Variants in COPG1 observed in about 807,000 individuals in gnomAD.
COPG1 encodes the protein coatomer subunit gamma-1.
COPG1 carries 29 observed loss-of-function variants against 102.8 expected under a neutral mutation model. That is an observed-to-expected ratio of 0.28 (90% confidence interval 0.21 to 0.38). The LOEUF (loss-of-function observed/expected upper bound fraction) is 0.38, where lower values mean the gene tolerates loss of function less well. Among genes scored for constraint, COPG1 ranks in the 10% least tolerant of loss-of-function variants. The pLI, the probability that COPG1 is intolerant of heterozygous loss-of-function variation, is 1.00. For synonymous variants in COPG1, 406 were observed against 421.6 expected (o/e 0.96, Z 0.45); for missense variants, 875 against 1,132.7 (o/e 0.77, Z 3.27).
chr3:129,255,717 A>C (rs1490613232), intron 7 of COPG1, among the ~76,000 whole-genome samples: 1 of 141,760 alleles, frequency 7.1e-6, no homozygotes, highest in Non-Finnish European at 1.5e-5. Context: ...TCCTGACTTC[A>C]AGTGATCCAC....
At chr3:129,267,125 T>C in intron 15 of COPG1, 26 bp downstream of exon 15, 2 of 1,578,106 alleles carry the variant, frequency 1.3e-6, no homozygotes, top group Non-Finnish European at 1.7e-6. Context: ...GGGGCCCTAA[T>C]GGGGACAGTG....
rs2107681155 is a variant in COPG1, at chr3:129,277,678, G to A, written c.*254G>A. ...TTGCTGTCCACCCTTCCAGGAAAGGGACATTGTAAATGAATAAAACATTCT... is the reference window on the plus strand; with the variant it reads ...TTGCTGTCCACCCTTCCAGGAAAGGAACATTGTAAATGAATAAAACATTCT... On this transcript the variant is annotated 3_prime_UTR_variant, in exon 24 of 24. Coordinates refer to ENST00000314797, the MANE Select transcript of COPG1 (RefSeq NM_016128.4). 3 of 390,188 alleles carry A rather than the reference G, an allele frequency of 7.7e-6. No homozygotes were observed. The South Asian group carries it at 8.4e-5, about 11-fold the overall frequency. 24.2% of individuals were successfully genotyped at this position (390,188 alleles called of 1,614,324 possible).
At chr3:129,273,647 A>G (rs1249586470) in intron 21 of COPG1, among the ~76,000 whole-genome samples, 2 of 152,228 alleles carry the variant, frequency 1.3e-5, no homozygotes, top group Non-Finnish European at 1.5e-5. Flanking sequence ...TTGGGTTTCC[A>G]TATTTTCACT....
At chr3:129,257,352 G>A (rs868742544) in intron 8 of COPG1, 118 bp from the exon 9 acceptor site, 2 of 1,036,696 alleles carry the variant, frequency 1.9e-6, no homozygotes, top group Middle Eastern at 2.9e-4. Context: ...ACTCTGTGTG[G>A]TAGCTGCTAC....
chr3:129,275,019 A>C lies in COPG1; in HGVS notation c.2395+43A>C, dbSNP rs113539542. 42 of 1,607,796 alleles carry C rather than the reference A, an allele frequency of 2.6e-5. No individual in the cohort carries two copies. In the African/African-American group the frequency reaches 3.1e-4, roughly 12 times the overall value. On this transcript the variant is annotated intron_variant, in intron 22 of 23. Coordinates refer to ENST00000314797, the MANE Select transcript of COPG1 (RefSeq NM_016128.4). The surrounding 1 kb of genome is among the most constrained non-coding windows in gnomAD (Gnocchi z 5.0). ...CCATCTCTGGCCTAATTACTGTTCA[A>C]GATCTTTGGCTACTATTGAAGTGCT...
intron 2 of COPG1, among the ~76,000 whole-genome samples, chr3:129,251,797 C>T (rs1431511114): frequency 4.6e-5 from 7 of 151,948 alleles, no homozygotes; most frequent in African/African-American, 1.7e-4. Context: ...CAGCAATTCT[C>T]CTGCCTCGGC....
At position 129,265,758 on chromosome 3, in the gene COPG1, C is replaced by T. The variant is rs758296971; in HGVS notation, c.1434C>T (p.Asn478=). The T allele has an allele frequency of 2.7e-5, 43 of 1,613,986 alleles. No homozygotes were observed. Among genetic ancestry groups the T allele is most frequent in the Middle Eastern group, 3.3e-4 (2 of 6,084 alleles). Residue 478 remains asparagine (N), a synonymous_variant, in exon 14 of 24, where the codon AAC becomes AAT. Coordinates refer to ENST00000314797, the MANE Select transcript of COPG1 (RefSeq NM_016128.4). ...CAAAGTACATCCGCTTCATCTATAA[C>T]CGAGTGGTCTTGGAGCATGAGGAGG... ...NPSKYIRFIY[N]RVVLEHEEVR... is the part of the protein sequence containing the mutation.
At chr3:129,268,133 T>C (rs1196812558) in intron 16 of COPG1, 93 bp downstream of exon 16, 11 of 1,158,960 alleles carry the variant, frequency 9.5e-6, no homozygotes, top group African/African-American at 1.5e-5. Flanking sequence ...GGCAAGATGC[T>C]CTTGGCTGGA....
chr3:129,270,003 G>A (rs1238395620), intron 18 of COPG1, among the ~76,000 whole-genome samples: 2 of 145,614 alleles, frequency 1.4e-5, no homozygotes, highest in African/African-American at 5.1e-5. Flanking sequence ...GGCCCTTCTA[G>A]GGCAGAAGGT....
intron 4 of COPG1, 47 bp downstream of exon 4, chr3:129,252,741 AGGT>A: frequency 6.3e-7 from 1 of 1,579,292 alleles, no homozygotes; most frequent in South Asian, 1.1e-5. Context: ...AGCTGTAACA[AGGT>A]GGTGGGAGGG....
chr3:129,259,574 A>G (rs1939883882), intron 10 of COPG1, among the ~76,000 whole-genome samples: 1 of 152,178 alleles, frequency 6.6e-6, no homozygotes, highest in South Asian at 2.1e-4. Flanking sequence ...TGAAAGATGT[A>G]AATAAAGTAG....
chr3:129,268,233 A>G (rs1940107198), intron 16 of COPG1, among the ~76,000 whole-genome samples, 193 bp downstream of exon 16: 2 of 152,142 alleles, frequency 1.3e-5, no homozygotes, highest in East Asian at 3.9e-4. Flanking sequence ...TTGTCCAGTG[A>G]ATTGAAACGC....
chr3:129,271,821 C>T lies in COPG1; in HGVS notation c.1898C>T (p.Ser633Leu), dbSNP rs779788008. 10 of 1,614,228 alleles carry T rather than the reference C, an allele frequency of 6.2e-6. No homozygotes were observed. Among genetic ancestry groups the T allele is most frequent in the East Asian group, 4.5e-5 (2 of 44,888 alleles). Residue 633 changes from serine to leucine, a missense_variant, in exon 19 of 24, where the codon TCG becomes TTG. Transcript: ENST00000314797. The surrounding 1 kb of genome is among the most constrained non-coding windows in gnomAD (Gnocchi z 4.7). ...GGTCTTGGGCCCCTCTTCAAGTCCT[C>T]GCCTGAGCCCGTGGCCCTCACCGAG... ...FRGLGPLFKSSPEPVALTESE... is the reference protein window; with the variant it reads ...FRGLGPLFKSLPEPVALTESE...
At chr3:129,264,632 C>T (rs541198231) in intron 13 of COPG1, among the ~76,000 whole-genome samples, 2 of 152,154 alleles carry the variant, frequency 1.3e-5, no homozygotes, top group Non-Finnish European at 2.9e-5. Flanking sequence ...CTAATGGGCC[C>T]AGCACTTTGG....
At chr3:129,256,291 C>T (rs921770019) in intron 8 of COPG1, 137 bp downstream of exon 8, 42 of 689,882 alleles carry the variant, frequency 6.1e-5, no homozygotes, top group Admixed American at 9.9e-5. Flanking sequence ...GTCATTGGAT[C>T]ATGGGAGGAA....
chr3:129,257,357 T>TGTA (rs896132862), intron 8 of COPG1, 113 bp from the exon 9 acceptor site: 15 of 1,099,760 alleles, frequency 1.4e-5, no homozygotes, highest in African/African-American at 3.1e-5. Context: ...GTGTGGTAGC[T>TGTA]GCTACTGTGC....
chr3:129,253,344 A>G (rs957531569), intron 5 of COPG1, among the ~76,000 whole-genome samples: 4 of 152,192 alleles, frequency 2.6e-5, no homozygotes, highest in Non-Finnish European at 5.9e-5. Flanking sequence ...CTAAAGTGTA[A>G]TCACTGCCCT....
At position 129,251,178 on chromosome 3, in the gene COPG1, C is replaced by T. The variant is rs186469230; in HGVS notation, c.90+444C>T. On this transcript the variant is annotated intron_variant, in intron 2 of 23. Transcript: ENST00000314797. The stretch of plus-strand genomic sequence containing the variant: ...GACCTCGTGATCCACCCGCCTCGGC[C>T]TCCCAAAGTGCTGGGATTACAGGCT... Among the ~76,000 whole-genome samples, 1,367 of 151,382 alleles carry T rather than the reference C, an allele frequency of 9.0e-3. 15 individuals are homozygous for T. The highest frequency in any genetic ancestry group is 0.031 in the African/African-American group (1,296 of 41,412).
At chr3:129,260,905 G>A in intron 12 of COPG1, 98 bp downstream of exon 12, 2 of 1,320,400 alleles carry the variant, frequency 1.5e-6, no homozygotes, top group East Asian at 2.3e-5. Context: ...GACCTGAGGG[G>A]CTGGTCAGCC....
Sources: allele counts gnomAD v4.1 joint callset (sites outside exome capture counted in the v4.1 genomes callset), GRCh38; gene constraint gnomAD v4.1.1; non-coding constraint Gnocchi (gnomAD v3.1); transcripts MANE v1.5; gene names NCBI Gene and HGNC (gene_info 2026-07-23, HGNC 2026-07-21).